ZNF782: variants seen among roughly 807,000 people sequenced by gnomAD.
ZNF782 encodes the protein zinc finger protein 782.
ZNF782 carries 12 observed loss-of-function variants against 13.0 expected under a neutral mutation model. That is an observed-to-expected ratio of 0.92 (90% CI 0.59 to 1.50). The LOEUF (loss-of-function observed/expected upper bound fraction) is 1.50, where lower values mean the gene tolerates loss of function less well. Among genes scored for constraint, ZNF782 ranks in the 40% most tolerant of loss-of-function variants. The pLI, the probability that ZNF782 is intolerant of heterozygous loss-of-function variation, is 0.00. For synonymous variants in ZNF782, 284 were observed against 283.0 expected (o/e 1.00, Z -0.04); for missense variants, 770 against 822.9 (o/e 0.94, Z 0.79).
intron 4 of ZNF782, among the ~76,000 whole-genome samples, chr9:96,830,772 G>A (rs1009769390): frequency 6.6e-6 from 1 of 152,096 alleles, no homozygotes; most frequent in African/African-American, 2.4e-5. Context: ...TGGCATGGAA[G>A]TTAAAAATAT....
chr9:96,860,775 A>G (rs1851694090), intron 2 of ZNF782, among the ~76,000 whole-genome samples: 1 of 152,212 alleles, frequency 6.6e-6, no homozygotes, highest in Admixed American at 6.5e-5. Context: ...GAAAACCCAG[A>G]AACCGATTCA....
the ZNF782 span, chr9:96,888,176 GAAAAA>G: frequency 2.2e-5 from 3 of 134,950 alleles, no homozygotes; most frequent in African/African-American, 7.5e-5. Context: ...AATAAAAAAA[GAAAAA>G]AAAAAAGAAA....
At chr9:96,865,213 A>C (rs1215800011) in intron 1 of ZNF782, among the ~76,000 whole-genome samples, 1 of 152,062 alleles carries the variant, frequency 6.6e-6, no homozygotes, top group Non-Finnish European at 1.5e-5. Flanking sequence ...TTCATTTCCA[A>C]CTCGGGAGAA....
At chr9:96,874,533 C>G (rs1201225718) in intron 1 of ZNF782, among the ~76,000 whole-genome samples, 1 of 152,182 alleles carries the variant, frequency 6.6e-6, no homozygotes, top group African/African-American at 2.4e-5. Flanking sequence ...CCTTGGTCTT[C>G]TCAAAGCTGG....
chr9:96,925,868 T>C, the ZNF782 span, among the ~76,000 whole-genome samples: 5 of 147,952 alleles, frequency 3.4e-5, no homozygotes, highest in African/African-American at 1.0e-4. Flanking sequence ...TGTTCAGTGA[T>C]TGGGTGGAAG....
chr9:96,933,415 G>A, the ZNF782 span: 1 of 152,060 alleles, frequency 6.6e-6, no homozygotes, highest in African/African-American at 2.4e-5. Context: ...CTGTCACCCA[G>A]GCTGGAGTGC....
the ZNF782 span, chr9:96,889,093 C>T: frequency 2.0e-5 from 3 of 152,198 alleles, no homozygotes; most frequent in South Asian, 2.1e-4. Context: ...GTCTGTTTGA[C>T]GCAAAGCAGG....
At chr9:96,925,212 C>T in the ZNF782 span, among the ~76,000 whole-genome samples, 9 of 152,106 alleles carry the variant, frequency 5.9e-5, no homozygotes, top group Admixed American at 6.5e-5. Flanking sequence ...CACAGGCGCG[C>T]GGGGCAGGCG....
chr9:96,844,881 T>C lies in ZNF782; in HGVS notation c.142+9A>G. On this transcript the variant is annotated intron_variant, in intron 4 of 5. Coordinates refer to ENST00000481138, the MANE Select transcript of ZNF782 (RefSeq NM_001001662.3). ...CTCTGGAGGGAACCCCATGGTAAGCTGTGCTCACCCACTGAGACGAGGTGG... is the reference window on the plus strand; with the variant it reads ...CTCTGGAGGGAACCCCATGGTAAGCCGTGCTCACCCACTGAGACGAGGTGG... 2 of 1,613,946 alleles carry C rather than the reference T, an allele frequency of 1.2e-6. No homozygotes were observed. Among genetic ancestry groups the C allele is most frequent in the Non-Finnish European group, 1.7e-6 (2 of 1,179,874 alleles).
intron 1 of ZNF782, among the ~76,000 whole-genome samples, chr9:96,868,466 C>A (rs1037153876): frequency 6.6e-6 from 1 of 152,240 alleles, no homozygotes; most frequent in African/African-American, 2.4e-5. Flanking sequence ...GGAACTGGAA[C>A]AACTGACGAC....
At chr9:96,860,971 G>A (rs1176817324) in intron 2 of ZNF782, among the ~76,000 whole-genome samples, 1 of 152,196 alleles carries the variant, frequency 6.6e-6, no homozygotes, top group Non-Finnish European at 1.5e-5. Context: ...ATCTTGGCTG[G>A]TGCAGAGGCT....
At chr9:96,926,053 T>C in the ZNF782 span, among the ~76,000 whole-genome samples, 1 of 127,538 alleles carries the variant, frequency 7.8e-6, no homozygotes, top group Non-Finnish European at 1.5e-5. Context: ...TTGTCTCTCC[T>C]CCTGGGGTCT....
chr9:96,863,541 T>C (rs768685652), intron 1 of ZNF782, among the ~76,000 whole-genome samples: 16 of 152,120 alleles, frequency 1.1e-4, no homozygotes, highest in Non-Finnish European at 2.1e-4. Context: ...AAATAAGTTA[T>C]GAAAAAGACA....
intron 4 of ZNF782, among the ~76,000 whole-genome samples, chr9:96,833,986 T>C (rs1361615566): frequency 6.6e-6 from 1 of 152,210 alleles, no homozygotes; most frequent in African/African-American, 2.4e-5. Context: ...GGTTTGGGTA[T>C]GGTTTGTCCC....
chr9:96,906,189 C>T, the ZNF782 span, among the ~76,000 whole-genome samples: 3,514 of 140,642 alleles, frequency 0.025, no homozygotes, highest in Non-Finnish European at 0.04. Flanking sequence ...ATAACATATA[C>T]TACTAATAAT....
the ZNF782 span, among the ~76,000 whole-genome samples, chr9:96,919,855 C>T: frequency 6.6e-6 from 1 of 151,274 alleles, no homozygotes; most frequent in African/African-American, 2.4e-5. Flanking sequence ...CCACTACACC[C>T]AGCCTCAAAT....
intron 4 of ZNF782, among the ~76,000 whole-genome samples, chr9:96,834,071 C>T (rs1001551994): frequency 3.3e-5 from 5 of 152,112 alleles, no homozygotes; most frequent in Admixed American, 2.6e-4. Context: ...TGTTCGGTCA[C>T]GGGGCTGGAT....
the ZNF782 span, among the ~76,000 whole-genome samples, chr9:96,914,154 C>T: frequency 3.3e-5 from 5 of 151,406 alleles, no homozygotes; most frequent in East Asian, 7.8e-4. Flanking sequence ...CGGAGTCTCA[C>T]GCTGTCACCC....
chr9:96,932,648 CTTAA>C, the ZNF782 span, among the ~76,000 whole-genome samples: 2 of 150,894 alleles, frequency 1.3e-5, no homozygotes, highest in African/African-American at 2.5e-5. Flanking sequence ...CCAGCCAATC[CTTAA>C]TTTTTTTTTT....
Sources: allele counts gnomAD v4.1 joint callset (sites outside exome capture counted in the v4.1 genomes callset), GRCh38; gene constraint gnomAD v4.1.1; transcripts MANE v1.5; gene names NCBI Gene and HGNC (gene_info 2026-07-23, HGNC 2026-07-21).